Variants in FOXN4 observed in about 807,000 individuals in gnomAD.
FOXN4 encodes forkhead box protein N4.
A neutral mutation model predicts 45.0 loss-of-function variants in FOXN4; 12 were observed. The observed-to-expected ratio is 0.27, with a 90% CI of 0.17 to 0.43. FOXN4 has a LOEUF of 0.43. FOXN4 is among the 20% of genes least tolerant of loss of function. The pLI is 1.00. For missense variants in FOXN4, 560 were observed against 694.9 expected, an observed-to-expected ratio of 0.81 and a Z score of 2.18; for synonymous variants, 297 against 295.0, an observed-to-expected ratio of 1.01 and a Z score of -0.07.
rs1478612633 is a variant in FOXN4, at chr12:109,281,421, T to A, written c.1280A>T (p.Asp427Val). ...EVDALDPSIMDFALQGNLWEE... is the reference protein window; with the variant it reads ...EVDALDPSIMVFALQGNLWEE... ...TCCAGCCTCACCCTGCAGAGCGAAG[T>A]CCATGATGCTCGGGTCGAGGGCATC... The change falls in exon 9 of 10, where the codon GAC becomes GTC. Residue 427 changes from aspartate to valine, a missense_variant. Transcript: ENST00000299162. The A allele has an allele frequency of 1.2e-6, 2 of 1,613,804 alleles. No individual in the cohort carries two copies. Among genetic ancestry groups the A allele is most frequent in the Non-Finnish European group, 1.7e-6 (2 of 1,179,864 alleles).
At chr12:109,284,304 G>A (rs1485808943) in intron 8 of FOXN4, among the ~76,000 whole-genome samples, 2 of 152,236 alleles carry the variant, frequency 1.3e-5, no homozygotes, top group Non-Finnish European at 2.9e-5. Flanking sequence ...GGAGGGGGAG[G>A]CCTATTTCAT....
At chr12:109,305,958 C>T (rs1288769794) in intron 2 of FOXN4, among the ~76,000 whole-genome samples, 2 of 152,064 alleles carry the variant, frequency 1.3e-5, no homozygotes, top group Admixed American at 1.3e-4. Flanking sequence ...TCTGCTTGCC[C>T]CGCCCTGTTT....
intron 2 of FOXN4, among the ~76,000 whole-genome samples, chr12:109,306,994 A>C (rs563647423): frequency 4.2e-4 from 64 of 152,360 alleles, no homozygotes; most frequent in African/African-American, 1.5e-3. Context: ...TCATCAGAGC[A>C]ACCTCCCGAG....
At chr12:109,282,459 T>A (rs988393138) in intron 8 of FOXN4, among the ~76,000 whole-genome samples, 1 of 151,550 alleles carries the variant, frequency 6.6e-6, no homozygotes, top group African/African-American at 2.4e-5. Flanking sequence ...AAAAAAAAAA[T>A]GTCATCAGAT....
chr12:109,287,385 C>T lies in FOXN4; in HGVS notation c.596+12G>A. ...CGCCCTTGGCCCTGACCCGGCCCAC[C>T]CTGGACCTCACCTGTACGAGTAGAT... On this transcript the variant is annotated intron_variant, in intron 6 of 9. Coordinates refer to ENST00000299162, the MANE Select transcript of FOXN4 (RefSeq NM_213596.3). The surrounding 1 kb of genome is among the most constrained non-coding windows in gnomAD (Gnocchi z 4.1). 2 of 1,551,412 alleles carry T rather than the reference C, an allele frequency of 1.3e-6. No individual in the cohort carries two copies. The highest frequency in any genetic ancestry group is 1.7e-6 in the Non-Finnish European group (2 of 1,146,828).
At chr12:109,283,187 A>G (rs1267072543) in intron 8 of FOXN4, among the ~76,000 whole-genome samples, 1 of 152,048 alleles carries the variant, frequency 6.6e-6, no homozygotes, top group East Asian at 1.9e-4. Context: ...TTTTTTTTTA[A>G]AAGCAGATGC....
chr12:109,308,348 C>G, intron 1 of FOXN4, 24 bp from the exon 2 acceptor site: 1 of 1,525,822 alleles, frequency 6.6e-7, no homozygotes, highest in African/African-American at 1.4e-5. Flanking sequence ...AAGCAGAAAA[C>G]AAAGCTCCCA....
In FOXN4 at chr12:109,292,688, G is replaced by A. The variant is rs554844777; in HGVS notation, c.87-2402C>T. 3.3e-5 allele frequency among the ~76,000 whole-genome samples: 5 copies of A among 152,274 alleles called. No individual in the cohort carries two copies. In the South Asian group the frequency reaches 1.0e-3, roughly 32 times the overall value. ...CCACCAGGTCGCCAGGGGGCTGGAA[G>A]TACACTGAAGCTTTGGGGTCTGGGG... On this transcript the variant is annotated intron_variant, in intron 2 of 9. Coordinates refer to ENST00000299162, the MANE Select transcript of FOXN4 (RefSeq NM_213596.3).
chr12:109,290,410 A>T lies in FOXN4; in HGVS notation c.87-124T>A. ...TCTCCCCAAGCCACGCCAGCCCTCC[A>T]ACCTGCCCGTCCCCAGGACTGGACA... On this transcript the variant is annotated intron_variant, in intron 2 of 9. Coordinates refer to ENST00000299162, the MANE Select transcript of FOXN4 (RefSeq NM_213596.3). This position sits in a 1 kb window ranked among gnomAD's most constrained non-coding sequence, Gnocchi z 5.1. The T allele has an allele frequency of 3.3e-6, 4 of 1,204,984 alleles. No individual in the cohort carries two copies. The South Asian group carries it at 6.6e-5, about 20-fold the overall frequency. The allele number at this position is 1,204,984 out of a possible 1,614,324, so 74.6% of individuals were successfully genotyped here.
Position 109,281,417 on chromosome 12 carries a change from G to A in FOXN4, c.1284C>T (p.Phe428=), listed in dbSNP as rs748476694. Residue 428 remains phenylalanine, a synonymous_variant, in exon 9 of 10, where the codon TTC becomes TTT. Transcript: ENST00000299162. ...TTCCTCCAGCCTCACCCTGCAGAGC[G>A]AAGTCCATGATGCTCGGGTCGAGGG... ...VDALDPSIMD[F]ALQGNLWEEM... is the part of the protein sequence containing the mutation. 1.2e-5 allele frequency: 20 copies of A among 1,613,776 alleles called. No homozygotes were observed. Among genetic ancestry groups the A allele is most frequent in the South Asian group, 2.2e-5 (2 of 91,074 alleles).
chr12:109,292,985 C>G (rs60760666), intron 2 of FOXN4, among the ~76,000 whole-genome samples: 5,555 of 152,236 alleles, frequency 0.036, 289 homozygotes, highest in East Asian at 0.17. Context: ...CTGGCTCCCC[C>G]TTCCTGCAGC....
chr12:109,291,090 G>C lies in FOXN4; in HGVS notation c.87-804C>G, dbSNP rs1357549465. ...GAGCCCTTCAACTCGACCCCTGGTG[G>C]TCCCAAGAGGCTCCAGTTAGGACCC... is the stretch of plus-strand genomic sequence containing the variant. On this transcript the variant is annotated intron_variant, in intron 2 of 9. Transcript: ENST00000299162. This position sits in a 1 kb window ranked among gnomAD's most constrained non-coding sequence, Gnocchi z 6.6. Among the ~76,000 whole-genome samples, 1 of 152,098 alleles carries C rather than the reference G, an allele frequency of 6.6e-6. No individual in the cohort carries two copies. The highest frequency in any genetic ancestry group is 1.5e-5 in the Non-Finnish European group (1 of 68,016).
rs753497304 is a variant in FOXN4, at chr12:109,303,702, C to T, written c.86+4534G>A. ...TCCAAGAAGCCAGAAGCCTGCCTTC[C>T]GTCATCTCACTGGGCCTCAGTTTCC... On this transcript the variant is annotated intron_variant, in intron 2 of 9. Coordinates refer to ENST00000299162, the MANE Select transcript of FOXN4 (RefSeq NM_213596.3). Among the ~76,000 whole-genome samples, 4 of 152,244 alleles carry T rather than the reference C, an allele frequency of 2.6e-5. No homozygotes were observed. The South Asian group carries it at 8.3e-4, about 32-fold the overall frequency.
intron 8 of FOXN4, 42 bp downstream of exon 8, chr12:109,285,262 T>C (rs766626454): frequency 1.9e-5 from 29 of 1,547,446 alleles, no homozygotes; most frequent in Non-Finnish European, 2.4e-5. Context: ...TGTGTGTGTG[T>C]GTGTGTGTGT....
intron 2 of FOXN4, among the ~76,000 whole-genome samples, chr12:109,298,614 C>G (rs190003755): frequency 4.1e-4 from 62 of 152,264 alleles, no homozygotes; most frequent in African/African-American, 1.4e-3. Flanking sequence ...CCGCCCACCT[C>G]GGCCTCCCAA....
At chr12:109,305,844 G>A (rs535248603) in intron 2 of FOXN4, among the ~76,000 whole-genome samples, 1 of 152,328 alleles carries the variant, frequency 6.6e-6, no homozygotes, top group Non-Finnish European at 1.5e-5. Context: ...TCTGGATCCA[G>A]TGCTGATGGG....
intron 6 of FOXN4, 31 bp from the exon 7 acceptor site, chr12:109,286,775 AG>A: frequency 6.3e-7 from 1 of 1,580,786 alleles, no homozygotes; most frequent in South Asian, 1.1e-5. Flanking sequence ...AGGGCAGGGC[AG>A]GGCAGGACAG....
At chr12:109,299,892 C>G (rs1242687390) in intron 2 of FOXN4, among the ~76,000 whole-genome samples, 1 of 152,202 alleles carries the variant, frequency 6.6e-6, no homozygotes, top group Non-Finnish European at 1.5e-5. Flanking sequence ...CCGGGTCCCC[C>G]TTTGCTCTCT....
intron 2 of FOXN4, among the ~76,000 whole-genome samples, chr12:109,305,397 A>AT (rs2047912380): frequency 6.6e-6 from 1 of 151,996 alleles, no homozygotes; most frequent in African/African-American, 2.4e-5. Context: ...TATTATTATT[A>AT]TGTTATTTTG....
Sources: allele counts gnomAD v4.1 joint callset (sites outside exome capture counted in the v4.1 genomes callset), GRCh38; gene constraint gnomAD v4.1.1; non-coding constraint Gnocchi (gnomAD v3.1); transcripts MANE v1.5; gene names NCBI Gene and HGNC (gene_info 2026-07-23, HGNC 2026-07-21).